IRF6: variants seen among roughly 807,000 people sequenced by gnomAD.
The protein encoded by IRF6 is Van der Woude syndrome.
A neutral mutation model predicts 51.4 loss-of-function variants in IRF6; 6 were observed. The ratio of observed to expected loss-of-function variants is 0.12; its 90% CI spans 0.06 to 0.23. The LOEUF (loss-of-function observed/expected upper bound fraction) is 0.23. Ranked by LOEUF, IRF6 falls within the 10% of genes least tolerant of loss-of-function variation. The pLI, the probability that IRF6 is intolerant of heterozygous loss-of-function variation, is 1.00. For synonymous variants in IRF6, 178 were observed against 215.7 expected (o/e 0.83, Z 1.53); for missense variants, 348 against 585.2 (o/e 0.59, Z 4.18).
chr1:209,803,088 T>C (rs1415671117), intron 1 of IRF6, among the ~76,000 whole-genome samples: 1 of 152,182 alleles, frequency 6.6e-6, no homozygotes, highest in Non-Finnish European at 1.5e-5. Flanking sequence ...TAGTTGGCCT[T>C]GAATTACGGT....
Position 209,796,576 on chromosome 1 carries a change from G to A in IRF6, c.175-24C>T. ...GCCTGAGAACAAGAAACCACAGTGA[G>A]TCCTATCATTGCCCAGAGCCACTGC... On this transcript the variant is annotated intron_variant, in intron 3 of 8. Transcript: ENST00000367021. The surrounding 1 kb of genome is among the most constrained non-coding windows in gnomAD (Gnocchi z 4.5). 1.3e-6 allele frequency: 2 copies of A among 1,596,252 alleles called. No homozygotes were observed. Among genetic ancestry groups the A allele is most frequent in the African/African-American group, 1.3e-5 (1 of 74,474 alleles).
rs762897533 is a variant in IRF6 at position 209,796,562 on chromosome 1, A to G, written c.175-10T>C. The G allele has an allele frequency of 6.2e-7, 1 of 1,610,686 alleles. No homozygotes were observed. The highest frequency in any genetic ancestry group is 8.5e-7 in the Non-Finnish European group (1 of 1,178,658). On this transcript the variant is annotated splice_polypyrimidine_tract_variant and intron_variant, in intron 3 of 8. Transcript: ENST00000367021. The surrounding 1 kb of genome is among the most constrained non-coding windows in gnomAD (Gnocchi z 4.5). Reference sequence around the variant, plus strand: ...TCTCTACAGCCCAGGCCTGAGAACAAGAAACCACAGTGAGTCCTATCATTG... The same window carrying G: ...TCTCTACAGCCCAGGCCTGAGAACAGGAAACCACAGTGAGTCCTATCATTG...
intron 3 of IRF6, among the ~76,000 whole-genome samples, chr1:209,797,144 G>A (rs776145276): frequency 3.3e-5 from 5 of 152,064 alleles, no homozygotes; most frequent in Non-Finnish European, 5.9e-5. Flanking sequence ...AGGCCAAGCC[G>A]GGTGGATCAC....
chr1:209,799,710 CA>C (rs1387816259), intron 3 of IRF6, among the ~76,000 whole-genome samples: 1 of 152,238 alleles, frequency 6.6e-6, no homozygotes, highest in Non-Finnish European at 1.5e-5. Flanking sequence ...ACTTGAACAG[CA>C]AATCCAGTTT....
At position 209,788,038 on chromosome 1, in the gene IRF6, A is replaced by C. The variant is rs962741740; in HGVS notation, c.*382T>G. 1 of 269,374 alleles carries C rather than the reference A, an allele frequency of 3.7e-6. No individual in the cohort carries two copies. The highest frequency in any genetic ancestry group is 5.1e-5 in the Admixed American group (1 of 19,720). The allele number at this position is 269,374 out of a possible 1,614,324, so 16.7% of individuals were successfully genotyped here. A position where few individuals can be genotyped will look rare whatever the true frequency, so the allele number is the denominator to read the frequency against. On this transcript the variant is annotated 3_prime_UTR_variant, in exon 9 of 9. Transcript: ENST00000367021. ...AAGAAGGTCATTGAGTCCGTTCTAA[A>C]GCTGGATGCAATTTCAGGCACTACT...
At chr1:209,792,153 CCT>C (rs1245003603) in intron 6 of IRF6, 114 bp downstream of exon 6, 21 of 1,118,508 alleles carry the variant, frequency 1.9e-5, no homozygotes, top group Non-Finnish European at 2.1e-5. Context: ...ACAGAGGATG[CCT>C]CTGAGACAGG....
In IRF6 at chr1:209,796,641, AC is replaced by A; in HGVS notation, c.175-90del. The stretch of plus-strand genomic sequence containing the variant: ...CCCTTTCTCATAGACACAAACACAC[AC>A]ACACACACACACACACACACACACA... On this transcript the variant is annotated intron_variant, in intron 3 of 8. Transcript: ENST00000367021. This position sits in a 1 kb window ranked among gnomAD's most constrained non-coding sequence, Gnocchi z 4.5. 3.1e-6 allele frequency: 2 copies of A among 644,702 alleles called. No homozygotes were observed. The highest frequency in any genetic ancestry group is 3.7e-5 in the South Asian group (2 of 53,998). 39.9% of individuals were successfully genotyped at this position (644,702 alleles called of 1,614,324 possible).
chr1:209,798,812 G>A (rs2077920678), intron 3 of IRF6, among the ~76,000 whole-genome samples: 1 of 151,340 alleles, frequency 6.6e-6, no homozygotes, highest in Admixed American at 6.7e-5. Context: ...GGGAGGCTGA[G>A]GCAGGAGAAT....
At chr1:209,803,132 A>G (rs568589555) in intron 1 of IRF6, among the ~76,000 whole-genome samples, 2 of 152,276 alleles carry the variant, frequency 1.3e-5, no homozygotes, top group African/African-American at 4.8e-5. Flanking sequence ...CCATCAAACC[A>G]TGGAGTGCAT....
chr1:209,794,280 G>A (rs370174378), intron 5 of IRF6, among the ~76,000 whole-genome samples: 12 of 152,134 alleles, frequency 7.9e-5, no homozygotes, highest in African/African-American at 2.7e-4. Context: ...GGTGTGAGAT[G>A]GTATTTCATT....
chr1:209,801,489 CT>C, intron 2 of IRF6, 73 bp from the exon 3 acceptor site: 1 of 1,193,766 alleles, frequency 8.4e-7, no homozygotes, highest in South Asian at 1.5e-5. Flanking sequence ...TCCCAGCCAC[CT>C]TTCCCATCTA....
intron 6 of IRF6, 92 bp downstream of exon 6, chr1:209,792,177 T>C (rs777499563): frequency 6.4e-6 from 9 of 1,404,086 alleles, no homozygotes; most frequent in South Asian, 1.2e-5. Flanking sequence ...AGTTTTTCAA[T>C]ACATGGCAAA....
At chr1:209,794,309 T>C (rs1222116886) in intron 5 of IRF6, among the ~76,000 whole-genome samples, 3 of 152,250 alleles carry the variant, frequency 2.0e-5, no homozygotes, top group Middle Eastern at 3.2e-3. Context: ...GATTTGTATT[T>C]CTCTAATGAT....
At position 209,796,937 on chromosome 1, in the gene IRF6, C is replaced by A. The variant is rs1329662348; in HGVS notation, c.175-385G>T. Reference sequence around the variant, plus strand: ...ATGGTAACTCTGGATAGCAGAATTTCAAGTAACTTTTTTTCTTTGCTTATT... The same window carrying A: ...ATGGTAACTCTGGATAGCAGAATTTAAAGTAACTTTTTTTCTTTGCTTATT... On this transcript the variant is annotated intron_variant, in intron 3 of 8. Coordinates refer to ENST00000367021, the MANE Select transcript of IRF6 (RefSeq NM_006147.4). The surrounding 1 kb of genome is among the most constrained non-coding windows in gnomAD (Gnocchi z 4.5). Among the ~76,000 whole-genome samples the A allele has an allele frequency of 6.6e-6, 1 of 152,180 alleles. No individual in the cohort carries two copies. Among genetic ancestry groups the A allele is most frequent in the Non-Finnish European group, 1.5e-5 (1 of 68,040 alleles).
rs57430923 is a variant in IRF6, at chr1:209,789,351, T to TTGTGTG, written c.1179+310_1179+315dup. Among the ~76,000 whole-genome samples the TTGTGTG allele has an allele frequency of 0.18, 27,044 of 146,802 alleles. 2,768 individuals are homozygous for TTGTGTG. Among genetic ancestry groups the TTGTGTG allele is most frequent in the Non-Finnish European group, 0.23 (15,431 of 66,852 alleles). ...AAAAAAAAAAAAAGTGCAATTTACATTGTGTGTGTGTGTGTGTGTGTGTGT... is the reference window on the plus strand; with the variant it reads ...AAAAAAAAAAAAAGTGCAATTTACATTGTGTGTGTGTGTGTGTGTGTGTGTGTGTGT... On this transcript the variant is annotated intron_variant, in intron 8 of 8. Transcript: ENST00000367021.
chr1:209,804,104 A>G (rs774525911), intron 1 of IRF6, among the ~76,000 whole-genome samples: 7 of 152,354 alleles, frequency 4.6e-5, no homozygotes, highest in Middle Eastern at 3.4e-3. Flanking sequence ...GTTTCAATTT[A>G]TAATTTAAAA....
In IRF6 at chr1:209,792,440, C is replaced by A; in HGVS notation, c.509-13G>T. On this transcript the variant is annotated splice_polypyrimidine_tract_variant and intron_variant, in intron 5 of 8. Transcript: ENST00000367021. ...GCCATGGGAGAACCTAAAACAAAAG[C>A]ATATGGTGAGCAGACAGGGGTACCA... 5 of 1,613,200 alleles carry A rather than the reference C, an allele frequency of 3.1e-6. No individual in the cohort carries two copies. Among genetic ancestry groups the A allele is most frequent in the Non-Finnish European group, 4.2e-6 (5 of 1,179,962 alleles).
intron 5 of IRF6, 154 bp from the exon 6 acceptor site, chr1:209,792,581 C>T (rs192569672): frequency 5.5e-4 from 398 of 729,368 alleles, no homozygotes; most frequent in Non-Finnish European, 8.4e-4. Flanking sequence ...CCATAACTAA[C>T]GCAATAAGAA....
intron 7 of IRF6, 91 bp from the exon 8 acceptor site, chr1:209,789,876 C>T: frequency 1.2e-6 from 1 of 846,468 alleles, no homozygotes; most frequent in Non-Finnish European, 2.0e-6. Context: ...TTACAATAGC[C>T]ACTAGCCACA....
Sources: gnomAD v4.1 joint callset for allele counts (sites outside exome capture counted in the v4.1 genomes callset) on GRCh38, gnomAD v4.1.1 for gene constraint, Gnocchi (gnomAD v3.1) non-coding constraint, MANE v1.5 for transcripts, NCBI Gene and HGNC (gene_info 2026-07-23, HGNC 2026-07-21) for gene names.